Variants in RABEP1 observed in about 807,000 individuals in gnomAD.
The protein encoded by RABEP1 is rab GTPase-binding effector protein 1.
Under a neutral mutation model 123.4 loss-of-function variants are expected in RABEP1, and 51 were observed. That is an observed-to-expected ratio of 0.41 (90% CI 0.33 to 0.52). RABEP1 has a LOEUF of 0.52. RABEP1 is among the 20% of genes least tolerant of loss of function. The probability of loss-of-function intolerance (pLI) is 0.16; values close to 1 mark genes in which losing one functional copy is unlikely to be tolerated. For missense variants in RABEP1, 888 were observed against 996.3 expected, an observed-to-expected ratio of 0.89 and a Z score of 1.46; for synonymous variants, 347 against 355.2, an observed-to-expected ratio of 0.98 and a Z score of 0.26.
chr17:5,360,427 T>C lies in RABEP1; in HGVS notation c.1096-781T>C, dbSNP rs757134274. Reference sequence around the variant, plus strand: ...AATAGAAAACATTAGCCGGGCGAGGTGGCGGGCACCTGTAGTCCCAGCTAC... The same window carrying C: ...AATAGAAAACATTAGCCGGGCGAGGCGGCGGGCACCTGTAGTCCCAGCTAC... On this transcript the variant is annotated intron_variant, in intron 8 of 17. Coordinates refer to ENST00000537505, the MANE Select transcript of RABEP1 (RefSeq NM_004703.6). Among the ~76,000 whole-genome samples the C allele has an allele frequency of 1.8e-4, 28 of 152,174 alleles. 1 individual carries two copies. Among genetic ancestry groups the C allele is most frequent in the Non-Finnish European group, 1.8e-4 (12 of 67,990 alleles).
chr17:5,302,607 TTTTG>T (rs2075145775), intron 1 of RABEP1, among the ~76,000 whole-genome samples: 1 of 149,800 alleles, frequency 6.7e-6, no homozygotes, highest in Admixed American at 6.7e-5. Context: ...TTTTTTTTTT[TTTTG>T]GAGTGTAGTG....
chr17:5,359,736 C>T (rs1161862220), intron 8 of RABEP1, among the ~76,000 whole-genome samples: 5 of 152,096 alleles, frequency 3.3e-5, no homozygotes, highest in Non-Finnish European at 5.9e-5. Flanking sequence ...CTGTATTCCA[C>T]AGTCTCCTCT....
chr17:5,285,266 G>A (rs2074966191), intron 1 of RABEP1, among the ~76,000 whole-genome samples: 1 of 150,998 alleles, frequency 6.6e-6, no homozygotes, highest in Non-Finnish European at 1.5e-5. Context: ...TATCTTTGAA[G>A]CATTTGCTCT....
At chr17:5,315,459 G>T (rs776886951) in intron 2 of RABEP1, among the ~76,000 whole-genome samples, 1 of 152,120 alleles carries the variant, frequency 6.6e-6, no homozygotes, top group Non-Finnish European at 1.5e-5. Flanking sequence ...AGAATGGAAG[G>T]AATAGTAAAG....
chr17:5,294,158 G>T (rs764814952), intron 1 of RABEP1, among the ~76,000 whole-genome samples: 1 of 152,164 alleles, frequency 6.6e-6, no homozygotes, highest in Non-Finnish European at 1.5e-5. Flanking sequence ...AACCCTTTGG[G>T]AGGCTGAGGC....
chr17:5,325,917 T>C (rs1905928832), intron 2 of RABEP1, among the ~76,000 whole-genome samples: 1 of 151,244 alleles, frequency 6.6e-6, no homozygotes, highest in African/African-American at 2.4e-5. Context: ...CACTAAAGAG[T>C]CTATACAGAC....
chr17:5,367,057 C>G (rs1910060702), intron 11 of RABEP1, among the ~76,000 whole-genome samples: 1 of 151,042 alleles, frequency 6.6e-6, no homozygotes, highest in Admixed American at 6.6e-5. Context: ...CCATTGCACT[C>G]CCGCCTGGGC....
intron 1 of RABEP1, among the ~76,000 whole-genome samples, chr17:5,288,999 C>T (rs1474272389): frequency 6.6e-6 from 1 of 152,162 alleles, no homozygotes; most frequent in African/African-American, 2.4e-5. Flanking sequence ...AGCCACTGTG[C>T]CTGGTTGAAG....
intron 1 of RABEP1, among the ~76,000 whole-genome samples, chr17:5,296,709 T>C (rs115127837): frequency 6.2e-4 from 94 of 152,370 alleles, no homozygotes; most frequent in African/African-American, 2.1e-3. Context: ...TTAACTTGTA[T>C]AGCTATTGCA....
intron 8 of RABEP1, among the ~76,000 whole-genome samples, chr17:5,357,630 C>G (rs1441374835): frequency 1.3e-5 from 2 of 152,196 alleles, no homozygotes; most frequent in Non-Finnish European, 2.9e-5. Flanking sequence ...CTCGGCCTCC[C>G]AAAGTGCTGG....
At chr17:5,377,417 T>G in intron 14 of RABEP1, 112 bp downstream of exon 14, 71 of 631,936 alleles carry the variant, frequency 1.1e-4, no homozygotes, top group Non-Finnish European at 1.6e-4. Context: ...GGAAAGAATT[T>G]AGTAAGGACT....
At chr17:5,332,669 A>C (rs1006008304) in intron 3 of RABEP1, among the ~76,000 whole-genome samples, 1 of 137,440 alleles carries the variant, frequency 7.3e-6, no homozygotes, top group Non-Finnish European at 1.5e-5. Context: ...GCGCAGTCTC[A>C]GCTCACTGTA....
At chr17:5,344,771 C>CAAAAAAAA (rs1177790100) in intron 5 of RABEP1, among the ~76,000 whole-genome samples, 1 of 46,938 alleles carries the variant, frequency 2.1e-5, no homozygotes, top group Non-Finnish European at 3.7e-5. Context: ...GACACTGTCT[C>CAAAAAAAA]AAAAAAAAAA....
chr17:5,305,835 G>C (rs970939635), intron 1 of RABEP1, among the ~76,000 whole-genome samples: 5 of 152,138 alleles, frequency 3.3e-5, no homozygotes. Flanking sequence ...TTTCCTTCCA[G>C]TGGATTTCTC....
intron 11 of RABEP1, 64 bp from the exon 12 acceptor site, chr17:5,368,305 TG>T: frequency 9.0e-7 from 1 of 1,108,730 alleles, no homozygotes; most frequent in Non-Finnish European, 1.4e-6. Context: ...AGTTAGAAGA[TG>T]GAAGAGTTAG....
intron 2 of RABEP1, among the ~76,000 whole-genome samples, chr17:5,320,437 A>AG (rs1384273731): frequency 6.7e-5 from 10 of 148,784 alleles, no homozygotes; most frequent in African/African-American, 2.3e-4. Flanking sequence ...AAAAAAAAAA[A>AG]AAAAAAAGAA....
rs1911885266 is a variant in RABEP1, at chr17:5,385,533, A to T, written c.*2310A>T. ...AGATGACTTAAGGTGAAGTGAGGAC[A>T]AAATCACATTCTGCATACTAACCTA... On this transcript the variant is annotated 3_prime_UTR_variant, in exon 18 of 18. Coordinates refer to ENST00000537505, the MANE Select transcript of RABEP1 (RefSeq NM_004703.6). 4.3e-6 allele frequency: 1 copy of T among 230,986 alleles called. No individual in the cohort carries two copies. Among genetic ancestry groups the T allele is most frequent in the Non-Finnish European group, 8.6e-6 (1 of 116,742 alleles). 14.3% of individuals were successfully genotyped at this position (230,986 alleles called of 1,614,324 possible).
intron 2 of RABEP1, among the ~76,000 whole-genome samples, chr17:5,309,678 A>C (rs1424278101): frequency 6.6e-6 from 1 of 151,790 alleles, no homozygotes; most frequent in East Asian, 1.9e-4. Context: ...AAAGAAAAAG[A>C]AACTGTATAA....
chr17:5,343,817 A>G (rs1907834189), intron 5 of RABEP1, among the ~76,000 whole-genome samples: 1 of 151,448 alleles, frequency 6.6e-6, no homozygotes, highest in African/African-American at 2.4e-5. Flanking sequence ...CTGGGATTAC[A>G]GGCGTGCACC....
Sources: gnomAD v4.1 joint callset for allele counts (sites outside exome capture counted in the v4.1 genomes callset) on GRCh38, gnomAD v4.1.1 for gene constraint, MANE v1.5 for transcripts, NCBI Gene and HGNC (gene_info 2026-07-23, HGNC 2026-07-21) for gene names.